PKP4: variants seen among roughly 807,000 people sequenced by gnomAD.
PKP4 encodes the protein plakophilin 4.
A neutral mutation model predicts 145.1 loss-of-function variants in PKP4; 90 were observed. That is an observed-to-expected ratio of 0.62 (90% CI 0.52 to 0.74). PKP4 has a LOEUF of 0.74. Among genes scored for constraint, PKP4 ranks in the 30% least tolerant of loss-of-function variants. The pLI is 0.00. For synonymous variants in PKP4, 563 were observed against 577.2 expected, an observed-to-expected ratio of 0.98 and a Z score of 0.35; for missense variants, 1,340 against 1,482.7, an observed-to-expected ratio of 0.90 and a Z score of 1.58.
intron 1 of PKP4, among the ~76,000 whole-genome samples, chr2:158,493,135 A>G (rs1237957860): frequency 1.3e-5 from 2 of 152,226 alleles, no homozygotes; most frequent in South Asian, 2.1e-4. Flanking sequence ...TTATTTCTAA[A>G]TAACATATTA....
At chr2:158,483,193 T>C (rs1252451638) in intron 1 of PKP4, among the ~76,000 whole-genome samples, 1 of 152,202 alleles carries the variant, frequency 6.6e-6, no homozygotes, top group Non-Finnish European at 1.5e-5. Flanking sequence ...TTTCTTTTTC[T>C]TTTTTGTTTA....
intron 2 of PKP4, chr2:158,549,366 CAG>C (rs1559308616): frequency 6.6e-6 from 1 of 152,152 alleles, no homozygotes; most frequent in African/African-American, 2.4e-5. Flanking sequence ...AGGCTTGAGT[CAG>C]TGTAGTCTGC....
intron 1 of PKP4, among the ~76,000 whole-genome samples, chr2:158,462,779 G>C (rs1689963608): frequency 6.6e-6 from 1 of 152,134 alleles, no homozygotes; most frequent in Admixed American, 6.5e-5. Flanking sequence ...CTGGCAGATT[G>C]TATAATCTCT....
At chr2:158,566,289 A>G (rs1023837250) in intron 2 of PKP4, among the ~76,000 whole-genome samples, 1 of 152,120 alleles carries the variant, frequency 6.6e-6, no homozygotes, top group African/African-American at 2.4e-5. Context: ...TATCATTTTT[A>G]TATTTTTTAC....
intron 2 of PKP4, among the ~76,000 whole-genome samples, chr2:158,536,788 A>G (rs1291342123): frequency 6.6e-6 from 1 of 152,228 alleles, no homozygotes; most frequent in Non-Finnish European, 1.5e-5. Flanking sequence ...GCTCCTTGAC[A>G]GAAAGAATCT....
chr2:158,601,368 A>G (rs1352514166), intron 3 of PKP4, among the ~76,000 whole-genome samples: 1 of 152,214 alleles, frequency 6.6e-6, no homozygotes, highest in African/African-American at 2.4e-5. Flanking sequence ...TTGACATAAA[A>G]TATGATCCTT....
At chr2:158,506,228 G>C (rs1181471396) in intron 1 of PKP4, among the ~76,000 whole-genome samples, 1 of 152,194 alleles carries the variant, frequency 6.6e-6, no homozygotes, top group Non-Finnish European at 1.5e-5. Flanking sequence ...TGCAGTCCTT[G>C]ATGTTAAGTG....
At chr2:158,499,155 G>A (rs1438531808) in intron 1 of PKP4, among the ~76,000 whole-genome samples, 4 of 152,148 alleles carry the variant, frequency 2.6e-5, no homozygotes, top group Admixed American at 6.5e-5. Flanking sequence ...TTATACTATG[G>A]TGGTAAGGGG....
intron 1 of PKP4, among the ~76,000 whole-genome samples, chr2:158,516,900 A>G (rs1009237781): frequency 3.3e-5 from 5 of 152,060 alleles, no homozygotes; most frequent in Non-Finnish European, 1.5e-5. Context: ...TGACCTCATG[A>G]TCCGCCTGCC....
rs1457251816 is a variant in PKP4 at position 158,525,647 on chromosome 2, A to C, written c.-5-7533A>C. ...ATAATGAAAATCAGAGCAGAACTGAAGGAAATAGAGACACAGAAAACCCTT... is the reference window on the plus strand; with the variant it reads ...ATAATGAAAATCAGAGCAGAACTGACGGAAATAGAGACACAGAAAACCCTT... On this transcript the variant is annotated intron_variant, in intron 1 of 21. Transcript: ENST00000389759. Among the ~76,000 whole-genome samples the C allele has an allele frequency of 1.0e-4, 12 of 117,084 alleles. No individual in the cohort carries two copies. The East Asian group carries it at 2.9e-3, about 28-fold the overall frequency. 76.8% of individuals were successfully genotyped at this position (117,084 alleles called of 152,430 possible).
At chr2:158,617,661 C>A (rs995147633) in intron 4 of PKP4, among the ~76,000 whole-genome samples, 2 of 152,006 alleles carry the variant, frequency 1.3e-5, no homozygotes, top group Non-Finnish European at 2.9e-5. Flanking sequence ...ATACTTTATC[C>A]AGTAAAATTA....
intron 1 of PKP4, among the ~76,000 whole-genome samples, chr2:158,522,155 G>A: frequency 6.6e-6 from 1 of 152,180 alleles, no homozygotes; most frequent in East Asian, 1.9e-4. Context: ...TACTTGGTAT[G>A]CTTTCACCAA....
chr2:158,471,605 G>T (rs1460942072), intron 1 of PKP4, among the ~76,000 whole-genome samples: 1 of 152,220 alleles, frequency 6.6e-6, no homozygotes, highest in Non-Finnish European at 1.5e-5. Context: ...CTGGAAGTAA[G>T]ATTCATCTCT....
intron 2 of PKP4, among the ~76,000 whole-genome samples, chr2:158,536,490 G>T (rs1368501002): frequency 6.6e-6 from 1 of 152,112 alleles, no homozygotes; most frequent in Non-Finnish European, 1.5e-5. Flanking sequence ...CTCCCCTTGG[G>T]CAATTCATGG....
Position 158,642,678 on chromosome 2 carries a change from G to C in PKP4, c.1888G>C (p.Glu630Gln). Residue 630 changes from glutamate to glutamine, a missense_variant, in exon 11 of 22, where the codon GAA becomes CAA. Glu to Gln is a conservative substitution (Grantham distance 29). Coordinates refer to ENST00000389759, the MANE Select transcript of PKP4 (RefSeq NM_003628.6). ...ACTGTTGAGAAAATCTATTGATGCA[G>C]AAGTAAGGGAGCTTGTTACAGGTAG... is the stretch of plus-strand genomic sequence containing the variant. ...LRLLRKSIDA[E>Q]VRELVTGVLW... 6.2e-7 allele frequency: 1 copy of C among 1,605,976 alleles called. No homozygotes were observed. The highest frequency in any genetic ancestry group is 1.1e-5 in the South Asian group (1 of 89,936).
At chr2:158,522,001 A>T (rs1016244067) in intron 1 of PKP4, among the ~76,000 whole-genome samples, 1 of 152,200 alleles carries the variant, frequency 6.6e-6, no homozygotes, top group Admixed American at 6.5e-5. Flanking sequence ...TTATTTTGTC[A>T]TATCAGTTTT....
At chr2:158,469,306 T>G (rs1573952368) in intron 1 of PKP4, among the ~76,000 whole-genome samples, 1 of 152,012 alleles carries the variant, frequency 6.6e-6, no homozygotes, top group African/African-American at 2.4e-5. Flanking sequence ...GTCAGGCTGG[T>G]CTCGAACTCC....
In PKP4 at chr2:158,647,412, T is replaced by C. The variant is rs75285980; in HGVS notation, c.1909+4713T>C. On this transcript the variant is annotated intron_variant, in intron 11 of 21. Coordinates refer to ENST00000389759, the MANE Select transcript of PKP4 (RefSeq NM_003628.6). ...TTAAGTAATTCAACCCAGTTATTAA[T>C]CCAGTCTTTTTTTCTAGTTCCCTTT... is the stretch of plus-strand genomic sequence containing the variant. Among the ~76,000 whole-genome samples, 938 of 152,326 alleles carry C rather than the reference T, an allele frequency of 6.2e-3. 13 individuals carry two copies. Among genetic ancestry groups the C allele is most frequent in the African/African-American group, 0.021 (893 of 41,564 alleles).
intron 1 of PKP4, among the ~76,000 whole-genome samples, chr2:158,528,669 G>GAAA (rs59566011): frequency 0.018 from 1,518 of 85,922 alleles, 49 homozygotes; most frequent in South Asian, 0.04. Flanking sequence ...CTTACTAAAT[G>GAAA]AAAAAAAAAA....
Sources: allele counts gnomAD v4.1 joint callset (sites outside exome capture counted in the v4.1 genomes callset), GRCh38; gene constraint gnomAD v4.1.1; transcripts MANE v1.5; gene names NCBI Gene and HGNC (gene_info 2026-07-23, HGNC 2026-07-21).